Variants in KANK1 observed in about 807,000 individuals in gnomAD.
The protein encoded by KANK1 is KN motif and ankyrin repeat domains 1, also known as KN motif and ankyrin repeat domain-containing protein 1.
Under a neutral mutation model 106.2 loss-of-function variants are expected in KANK1, and 109 were observed. That is an observed-to-expected ratio of 1.03 (90% confidence interval 0.88 to 1.20). The LOEUF (loss-of-function observed/expected upper bound fraction) is 1.20, where lower values mean the gene tolerates loss of function less well. Ranked by LOEUF, KANK1 falls within the 50% of genes most tolerant of loss-of-function variation. KANK1 has a pLI of 0.00. For synonymous variants in KANK1, 873 were observed against 652.2 expected (o/e 1.34, Z -5.16); for missense variants, 2,399 against 1,710.7 (o/e 1.40, Z -7.10).
chr9:502,821 C>T (rs566959364), upstream of KANK1, among the ~76,000 whole-genome samples: 1 of 151,948 alleles, frequency 6.6e-6, no homozygotes, highest in Admixed American at 6.6e-5. Flanking sequence ...CCAGTGCACC[C>T]GGTCGAGGGC....
intron 1 of KANK1, among the ~76,000 whole-genome samples, chr9:591,704 T>C (rs1335461756): frequency 6.6e-6 from 1 of 151,860 alleles, no homozygotes; most frequent in Non-Finnish European, 1.5e-5. Flanking sequence ...TCGCCTAGGC[T>C]GGAGTTCTGT....
At chr9:600,261 G>A (rs1274803832) in intron 1 of KANK1, among the ~76,000 whole-genome samples, 1 of 151,490 alleles carries the variant, frequency 6.6e-6, no homozygotes, top group African/African-American at 2.4e-5. Context: ...ACTATTCTAG[G>A]TACCTCATAA....
intron 1 of KANK1, among the ~76,000 whole-genome samples, chr9:523,209 C>T (rs1178534784): frequency 6.6e-6 from 1 of 151,632 alleles, no homozygotes; most frequent in Non-Finnish European, 1.5e-5. Flanking sequence ...TCAACGTCAC[C>T]CAAACAGAAT....
intron 3 of KANK1, among the ~76,000 whole-genome samples, chr9:498,991 CA>C: frequency 6.6e-6 from 1 of 152,140 alleles, no homozygotes; most frequent in South Asian, 2.1e-4. Flanking sequence ...TCCTGGCCAG[CA>C]CAGTGGAACC....
At chr9:691,117 G>A (rs115319376) in intron 2 of KANK1, among the ~76,000 whole-genome samples, 6 of 152,182 alleles carry the variant, frequency 3.9e-5, no homozygotes, top group African/African-American at 7.2e-5. Context: ...CCTTGTCATC[G>A]TCTGATAAAG....
intron 1 of KANK1, among the ~76,000 whole-genome samples, chr9:656,232 G>A (rs999788630): frequency 2.0e-5 from 3 of 152,108 alleles, no homozygotes; most frequent in African/African-American, 7.2e-5. Context: ...GCGTGGTGGA[G>A]TTGAGACCTT....
chr9:644,511 AAGCAGGCACGTTTTACGTGGCCAG>A (rs1839218807), intron 1 of KANK1, among the ~76,000 whole-genome samples: 1 of 151,054 alleles, frequency 6.6e-6, no homozygotes, highest in Non-Finnish European at 1.5e-5. Flanking sequence ...GGCAAAGGGG[AAGCAGGCACGTTTTACGTGGCCAG>A]AGCAGGAGGA....
chr9:555,679 G>C (rs2061540925), intron 1 of KANK1, among the ~76,000 whole-genome samples: 1 of 152,196 alleles, frequency 6.6e-6, no homozygotes, highest in South Asian at 2.1e-4. Flanking sequence ...GGTTTACTAA[G>C]CCTTAAGAAA....
chr9:737,883 A>G (rs1319313906), intron 7 of KANK1, among the ~76,000 whole-genome samples: 1 of 152,230 alleles, frequency 6.6e-6, no homozygotes, highest in Non-Finnish European at 1.5e-5. Context: ...TAATAAATGG[A>G]GCCAAGCCTG....
At chr9:645,991 G>A (rs1839590929) in intron 1 of KANK1, among the ~76,000 whole-genome samples, 1 of 150,900 alleles carries the variant, frequency 6.6e-6, no homozygotes, top group Non-Finnish European at 1.5e-5. Flanking sequence ...ACTGGATGAT[G>A]CGTAGGAATA....
chr9:550,404 A>G (rs1195739408), intron 1 of KANK1, among the ~76,000 whole-genome samples: 2 of 152,180 alleles, frequency 1.3e-5, no homozygotes, highest in Admixed American at 6.5e-5. Flanking sequence ...CAGATCTCGA[A>G]CAGTATATTT....
At chr9:612,371 A>G (rs2136176268) in intron 1 of KANK1, among the ~76,000 whole-genome samples, 1 of 152,340 alleles carries the variant, frequency 6.6e-6, no homozygotes, top group African/African-American at 2.4e-5. Context: ...CATTATCTCA[A>G]CAGGAATGAA....
intron 3 of KANK1, among the ~76,000 whole-genome samples, chr9:726,812 T>C (rs566270072): frequency 6.6e-6 from 1 of 151,336 alleles, no homozygotes; most frequent in African/African-American, 2.4e-5. Flanking sequence ...ATACAAAAAT[T>C]AGCCAGGCAT....
intron 1 of KANK1, among the ~76,000 whole-genome samples, chr9:526,897 C>G (rs1450717991): frequency 6.6e-6 from 1 of 151,684 alleles, no homozygotes; most frequent in Non-Finnish European, 1.5e-5. Flanking sequence ...CTTATGACTT[C>G]CCCCAACACG....
At chr9:532,107 G>A (rs2133557152) in intron 1 of KANK1, among the ~76,000 whole-genome samples, 1 of 152,234 alleles carries the variant, frequency 6.6e-6, no homozygotes, top group Non-Finnish European at 1.5e-5. Flanking sequence ...GAGCCCCTGT[G>A]GTCAGTCCTT....
At chr9:478,516 A>G (rs2058145630) in intron 3 of KANK1, 1 of 152,312 alleles carries the variant, frequency 6.6e-6, no homozygotes, top group African/African-American at 2.4e-5. Context: ...AGGTATCCAG[A>G]GACATTGCTA....
intron 1 of KANK1, among the ~76,000 whole-genome samples, chr9:669,106 A>G (rs893513195): frequency 1.1e-4 from 16 of 152,122 alleles, no homozygotes; most frequent in African/African-American, 3.9e-4. Context: ...CCATCCCCTG[A>G]CATTTTGACT....
Position 742,420 on chromosome 9 carries a change from T to A in KANK1, c.3897+15T>A, listed in dbSNP as rs1226194711. 23 of 1,599,638 alleles carry A rather than the reference T, an allele frequency of 1.4e-5. No individual in the cohort carries two copies. Among genetic ancestry groups the A allele is most frequent in the Non-Finnish European group, 2.0e-5 (23 of 1,170,602 alleles). ...TAGAGGACAACGTAAGCTGTCTCCA[T>A]TGGGCCTCCTGGCCAGGGGTCTGGG... On this transcript the variant is annotated intron_variant, in intron 10 of 11. Coordinates refer to ENST00000382297, the MANE Select transcript of KANK1 (RefSeq NM_015158.5).
intron 1 of KANK1, among the ~76,000 whole-genome samples, chr9:642,284 T>C (rs570104277): frequency 6.7e-6 from 1 of 149,074 alleles, no homozygotes; most frequent in African/African-American, 2.6e-5. Context: ...GTGGTTAAGT[T>C]ACCCCATTTG....
Sources: allele counts gnomAD v4.1 joint callset (sites outside exome capture counted in the v4.1 genomes callset), GRCh38; gene constraint gnomAD v4.1.1; transcripts MANE v1.5; gene names NCBI Gene and HGNC (gene_info 2026-07-23, HGNC 2026-07-21).